Variants in PRDM14 observed in about 807,000 individuals in gnomAD.
The protein encoded by PRDM14 is PR/SET domain 14.
A neutral mutation model predicts 48.0 loss-of-function variants in PRDM14; 16 were observed. The ratio of observed to expected loss-of-function variants is 0.33; its 90% CI spans 0.23 to 0.51. The LOEUF is 0.51. PRDM14 is among the 20% of genes least tolerant of loss of function. PRDM14 has a pLI of 0.97. For missense variants in PRDM14, 566 were observed against 719.6 expected (o/e 0.79, Z 2.44); for synonymous variants, 264 against 276.6 (o/e 0.95, Z 0.45).
At chr8:70,062,662 C>T (rs961007284) in intron 5 of PRDM14, among the ~76,000 whole-genome samples, 4 of 152,148 alleles carry the variant, frequency 2.6e-5, no homozygotes, top group Admixed American at 2.0e-4. Flanking sequence ...GACGGGGTTC[C>T]ACCATGTTTG....
intron 5 of PRDM14, among the ~76,000 whole-genome samples, chr8:70,063,587 C>A (rs7834989): frequency 1.3e-5 from 2 of 151,596 alleles, no homozygotes; most frequent in Non-Finnish European, 2.9e-5. Context: ...GCAGTGGCGC[C>A]ATCTCAGCTC....
In PRDM14 at chr8:70,069,263, C is replaced by T; in HGVS notation, c.598G>A (p.Glu200Lys). Residue 200 changes from glutamate (E) to lysine (K), a missense_variant, in exon 2 of 8, where the codon GAG becomes AAG. Transcript: ENST00000276594. ...KSPARFQFTEEDLHFVLYGVT... is the reference protein window; with the variant it reads ...KSPARFQFTEKDLHFVLYGVT... ...CCGTACAGAACGAAGTGCAGGTCCT[C>T]CTCCGTGAACTGGAACCGAGCAGGG... The T allele has an allele frequency of 6.2e-7, 1 of 1,609,794 alleles. No individual in the cohort carries two copies. The highest frequency in any genetic ancestry group is 8.5e-7 in the Non-Finnish European group (1 of 1,177,806).
At chr8:70,063,919 A>T (rs1383325478) in intron 5 of PRDM14, among the ~76,000 whole-genome samples, 5 of 152,288 alleles carry the variant, frequency 3.3e-5, no homozygotes, top group Non-Finnish European at 4.4e-5. Flanking sequence ...AGCTCCACAG[A>T]TCATAGAGAA....
At position 70,051,994 on chromosome 8, in the gene PRDM14, G is replaced by A. The variant is rs958028231; in HGVS notation, c.*83C>T. On this transcript the variant is annotated 3_prime_UTR_variant, in exon 8 of 8. Transcript: ENST00000276594. ...TCACCATGTTGCCCAGGCTGGTCTC[G>A]AACTCCTGGACTTGAGTGATCCACC... 1.3e-5 allele frequency: 12 copies of A among 942,466 alleles called. No homozygotes were observed. The highest frequency in any genetic ancestry group is 2.5e-5 in the East Asian group (1 of 40,802). The allele number at this position is 942,466 out of a possible 1,614,324, so 58.4% of individuals were successfully genotyped here.
chr8:70,053,681 C>A (rs564174601), intron 7 of PRDM14, among the ~76,000 whole-genome samples: 1 of 152,198 alleles, frequency 6.6e-6, no homozygotes, highest in Non-Finnish European at 1.5e-5. Flanking sequence ...TGAGCCACCA[C>A]GCCCAGCTCA....
Position 70,066,358 on chromosome 8 carries a change from T to C in PRDM14, c.1060A>G (p.Lys354Glu). Residue 354 changes from lysine to glutamate, a missense_variant, in exon 5 of 8, where the codon AAA becomes GAA. Coordinates refer to ENST00000276594, the MANE Select transcript of PRDM14 (RefSeq NM_024504.4). The part of the protein sequence containing the change: ...CQGHIFYESC[K>E]EIHQNQELLV... ...AGCTCTTGGTTCTGATGGATCTCTTTGCAGCTCTCATAAAATATATGCCCT... is the reference window on the plus strand; with the variant it reads ...AGCTCTTGGTTCTGATGGATCTCTTCGCAGCTCTCATAAAATATATGCCCT... 1 of 1,614,158 alleles carries C rather than the reference T, an allele frequency of 6.2e-7. No homozygotes were observed. Among genetic ancestry groups the C allele is most frequent in the Non-Finnish European group, 8.5e-7 (1 of 1,180,034 alleles).
chr8:70,066,187 CCTT>C (rs766678350), intron 5 of PRDM14, 45 bp downstream of exon 5: 10 of 1,579,628 alleles, frequency 6.3e-6, no homozygotes, highest in African/African-American at 4.1e-5. Context: ...AGAGCCCAGT[CCTT>C]CTACTGGGAT....
rs1396494876 is a variant in PRDM14, at chr8:70,069,639, C to A, written c.222G>T (p.Ala74=). The part of the protein sequence containing the change: ...PAMPPFPFRM[A]PPLLSPGLGL... ...CCAGACCCGGGCTCAGCAAGGGAGG[C>A]GCCATCCGGAAGGGGAAGGGGGGCA... The change falls in exon 2 of 8, where the codon GCG becomes GCT. Residue 74 remains alanine (A), a synonymous_variant. Coordinates refer to ENST00000276594, the MANE Select transcript of PRDM14 (RefSeq NM_024504.4). 1 of 1,569,966 alleles carries A rather than the reference C, an allele frequency of 6.4e-7. No individual in the cohort carries two copies. Among genetic ancestry groups the A allele is most frequent in the Non-Finnish European group, 8.6e-7 (1 of 1,157,954 alleles).
intron 5 of PRDM14, among the ~76,000 whole-genome samples, chr8:70,061,608 A>G (rs1015112380): frequency 6.6e-6 from 1 of 152,158 alleles, no homozygotes; most frequent in African/African-American, 2.4e-5. Flanking sequence ...GGTCAGAAAT[A>G]CCTGGCCTTC....
intron 2 of PRDM14, 152 bp from the exon 3 acceptor site, chr8:70,068,684 G>A: frequency 2.9e-6 from 2 of 698,888 alleles, no homozygotes; most frequent in South Asian, 1.7e-5. Flanking sequence ...ATTTTACATG[G>A]TCTGTTCATA....
chr8:70,066,414 T>A lies in PRDM14; in HGVS notation c.1004A>T (p.Lys335Met). 6.2e-7 allele frequency: 1 copy of A among 1,614,198 alleles called. No homozygotes were observed. The highest frequency in any genetic ancestry group is 8.5e-7 in the Non-Finnish European group (1 of 1,180,030). Residue 335 changes from lysine to methionine, a missense_variant, in exon 5 of 8, where the codon AAG becomes ATG. By Grantham distance (95) the Lys-to-Met change is moderately conservative. Coordinates refer to ENST00000276594, the MANE Select transcript of PRDM14 (RefSeq NM_024504.4). ...MSYVNCARFP[K>M]EQNLVAVQCQ... ...CTGCACAGCAACTAGGTTCTGCTCC[T>A]TGGGGAAGCGGGCACAGTTGACATA...
In PRDM14 at chr8:70,058,757, G is replaced by A. The variant is rs772594483; in HGVS notation, c.1269C>T (p.Pro423=). Residue 423 remains proline, a synonymous_variant, in exon 6 of 8, where the codon CCC becomes CCT. Transcript: ENST00000276594. ...YYRDKHLKYT[P]CVDKGDRKFP... The stretch of plus-strand genomic sequence containing the variant: ...ATTTCCTATCGCCCTTGTCCACACA[G>A]GGGGTGTACTTGAGGTGCTTATCTC... The A allele has an allele frequency of 3.7e-6, 6 of 1,613,758 alleles. No individual in the cohort carries two copies. The highest frequency in any genetic ancestry group is 5.1e-6 in the Non-Finnish European group (6 of 1,179,660).
At chr8:70,057,331 T>TA in intron 6 of PRDM14, among the ~76,000 whole-genome samples, 1 of 134,112 alleles carries the variant, frequency 7.5e-6, no homozygotes, top group African/African-American at 3.0e-5. Flanking sequence ...TAAGACAATA[T>TA]TTTTTTTTTT....
chr8:70,068,572 G>T, intron 2 of PRDM14, 40 bp from the exon 3 acceptor site: 3 of 1,559,500 alleles, frequency 1.9e-6, no homozygotes, highest in Admixed American at 1.7e-5. Context: ...CATTAAAAAT[G>T]CATTATAAAG....
At chr8:70,058,193 CCTAT>C (rs1224479543) in intron 6 of PRDM14, among the ~76,000 whole-genome samples, 27 of 152,312 alleles carry the variant, frequency 1.8e-4, no homozygotes, top group Middle Eastern at 3.4e-3. Context: ...TTCCTTCTTA[CCTAT>C]ACCTGTCAAC....
intron 7 of PRDM14, among the ~76,000 whole-genome samples, chr8:70,054,976 C>G (rs1045145248): frequency 6.6e-6 from 1 of 152,018 alleles, no homozygotes; most frequent in Non-Finnish European, 1.5e-5. Flanking sequence ...CATAAGCCAC[C>G]GATGCATGGA....
intron 4 of PRDM14, 49 bp from the exon 5 acceptor site, chr8:70,066,554 A>G: frequency 6.8e-7 from 1 of 1,467,822 alleles, no homozygotes; most frequent in South Asian, 1.3e-5. Context: ...TTTTTGGTCT[A>G]ATCTATAAAA....
intron 6 of PRDM14, among the ~76,000 whole-genome samples, chr8:70,057,099 G>A (rs1563438816): frequency 6.6e-6 from 1 of 151,676 alleles, no homozygotes; most frequent in Non-Finnish European, 1.5e-5. Context: ...CCGAGTAGGT[G>A]GGACTACAGG....
At chr8:70,060,912 T>C (rs1380578856) in intron 5 of PRDM14, among the ~76,000 whole-genome samples, 1 of 152,230 alleles carries the variant, frequency 6.6e-6, no homozygotes, top group Admixed American at 6.5e-5. Context: ...TCAAAACTTG[T>C]GGCAGATTCC....
Sources: allele counts gnomAD v4.1 joint callset (sites outside exome capture counted in the v4.1 genomes callset), GRCh38; gene constraint gnomAD v4.1.1; transcripts MANE v1.5; gene names NCBI Gene and HGNC (gene_info 2026-07-23, HGNC 2026-07-21).